Variants in PACSIN2 observed in about 807,000 individuals in gnomAD.
The protein encoded by PACSIN2 is protein kinase C and casein kinase substrate in neurons protein 2.
Under a neutral mutation model 63.8 loss-of-function variants are expected in PACSIN2, and 25 were observed. The ratio of observed to expected loss-of-function variants is 0.39; its 90% CI spans 0.29 to 0.55. The LOEUF (loss-of-function observed/expected upper bound fraction) is 0.55. Among genes scored for constraint, PACSIN2 ranks in the 20% least tolerant of loss-of-function variants. The probability of loss-of-function intolerance (pLI) is 0.62; values close to 1 mark genes in which losing one functional copy is unlikely to be tolerated. For missense variants in PACSIN2, 518 were observed against 646.9 expected, an observed-to-expected ratio of 0.80 and a Z score of 2.16; for synonymous variants, 255 against 256.2, an observed-to-expected ratio of 1.00 and a Z score of 0.05.
At chr22:42,973,303 G>A (rs981332356) in intron 1 of PACSIN2, among the ~76,000 whole-genome samples, 2 of 152,176 alleles carry the variant, frequency 1.3e-5, no homozygotes, top group African/African-American at 2.4e-5. Context: ...CACAGGTCTC[G>A]CCCACAAGGC....
At chr22:42,970,289 G>C (rs1264669699) in intron 1 of PACSIN2, among the ~76,000 whole-genome samples, 3 of 152,174 alleles carry the variant, frequency 2.0e-5, no homozygotes, top group Non-Finnish European at 4.4e-5. Flanking sequence ...GTAATGAAAA[G>C]GGCACTTCAC....
intron 5 of PACSIN2, among the ~76,000 whole-genome samples, chr22:42,887,101 G>A (rs992755664): frequency 9.2e-5 from 14 of 152,142 alleles, no homozygotes; most frequent in Non-Finnish European, 1.5e-4. Context: ...TTGAGCCCAG[G>A]TGCCTCCCAC....
At chr22:42,983,127 G>GAAATA (rs1922339667) in intron 1 of PACSIN2, among the ~76,000 whole-genome samples, 1 of 151,718 alleles carries the variant, frequency 6.6e-6, no homozygotes. Flanking sequence ...GACCAGCCTG[G>GAAATA]CCAACATGGT....
In PACSIN2 at chr22:42,930,432, C is replaced by T. The variant is rs115344284; in HGVS notation, c.-77-18275G>A. 8.5e-3 allele frequency among the ~76,000 whole-genome samples: 1,295 copies of T among 152,322 alleles called. 18 individuals are homozygous for T. Among genetic ancestry groups the T allele is most frequent in the African/African-American group, 0.03 (1,253 of 41,588 alleles). ...TCTGGACCCTCCTGTCCTCGTGTCT[C>T]ACGCAGAGCCTAGCACAGATGAGGC... On this transcript the variant is annotated intron_variant, in intron 1 of 10. Transcript: ENST00000263246.
At chr22:42,991,601 T>C (rs980330488) in intron 1 of PACSIN2, among the ~76,000 whole-genome samples, 21 of 152,188 alleles carry the variant, frequency 1.4e-4, no homozygotes, top group African/African-American at 4.3e-4. Flanking sequence ...TATCCAATGA[T>C]AGAGCTCCTG....
At chr22:43,013,463 G>A (rs373009879) in intron 1 of PACSIN2, among the ~76,000 whole-genome samples, 7 of 152,334 alleles carry the variant, frequency 4.6e-5, no homozygotes, top group Middle Eastern at 6.8e-3. Context: ...AGTTTTCCAG[G>A]TGAATCAAGA....
In PACSIN2 at chr22:42,949,129, T is replaced by C. The variant is rs113108730; in HGVS notation, c.-77-36972A>G. ...GCAACAAGGTGGGATCCTGTCTCTA[T>C]AAGGACAAAACATTTCTTAAATAAT... On this transcript the variant is annotated intron_variant, in intron 1 of 10. Transcript: ENST00000263246. Among the ~76,000 whole-genome samples, 188 of 152,278 alleles carry C rather than the reference T, an allele frequency of 1.2e-3. 1 individual carries two copies. Among genetic ancestry groups the C allele is most frequent in the African/African-American group, 3.9e-3 (163 of 41,548 alleles).
At chr22:42,912,622 C>CTG (rs1481648723) in intron 1 of PACSIN2, among the ~76,000 whole-genome samples, 3 of 152,254 alleles carry the variant, frequency 2.0e-5, no homozygotes, top group Non-Finnish European at 4.4e-5. Context: ...CTGACACTGT[C>CTG]TGTGTGTGGC....
At chr22:42,924,571 C>G (rs79313729) in intron 1 of PACSIN2, among the ~76,000 whole-genome samples, 63 of 152,218 alleles carry the variant, frequency 4.1e-4, no homozygotes, top group Non-Finnish European at 6.8e-4. Flanking sequence ...CTCCACCGAG[C>G]TACTTTGTCC....
At chr22:42,873,195 T>C (rs2267460) in intron 10 of PACSIN2, among the ~76,000 whole-genome samples, 28,858 of 152,168 alleles carry the variant, frequency 0.19, 4,448 homozygotes, top group East Asian at 0.56. Flanking sequence ...AGTTTGCTTT[T>C]GACAATTTAC....
intron 1 of PACSIN2, chr22:43,002,166 G>A (rs373962563): frequency 2.0e-5 from 3 of 152,204 alleles, no homozygotes; most frequent in East Asian, 1.9e-4. Flanking sequence ...ACCCCCATGA[G>A]AGCAGCATCT....
chr22:42,940,829 C>T (rs1328321680), intron 1 of PACSIN2, among the ~76,000 whole-genome samples: 2 of 152,178 alleles, frequency 1.3e-5, no homozygotes, highest in African/African-American at 4.8e-5. Flanking sequence ...GATTATTTAG[C>T]CAGGAGAGGC....
At chr22:42,910,358 C>T (rs1314429363) in intron 2 of PACSIN2, among the ~76,000 whole-genome samples, 2 of 152,218 alleles carry the variant, frequency 1.3e-5, no homozygotes, top group Non-Finnish European at 2.9e-5. Flanking sequence ...AGAACAAGGG[C>T]CTGCACTTCT....
intron 1 of PACSIN2, among the ~76,000 whole-genome samples, chr22:42,937,686 C>A (rs1415995113): frequency 6.6e-6 from 1 of 152,160 alleles, no homozygotes; most frequent in East Asian, 1.9e-4. Context: ...CCTGCACTTC[C>A]CCTAACTCGG....
chr22:42,980,941 A>G (rs1922062118), intron 1 of PACSIN2, among the ~76,000 whole-genome samples: 1 of 83,750 alleles, frequency 1.2e-5, no homozygotes, highest in Non-Finnish European at 2.4e-5. Context: ...CTGCTTGGCC[A>G]CCCATCGTCT....
intron 1 of PACSIN2, among the ~76,000 whole-genome samples, 192 bp downstream of exon 1, chr22:43,014,829 C>A (rs1924777607): frequency 6.6e-6 from 1 of 151,618 alleles, no homozygotes; most frequent in Non-Finnish European, 1.5e-5. Flanking sequence ...CAGGCGCCCC[C>A]CGGGGCCCCG....
intron 1 of PACSIN2, among the ~76,000 whole-genome samples, chr22:42,913,536 T>C (rs1485960767): frequency 6.7e-6 from 1 of 149,358 alleles, no homozygotes; most frequent in Non-Finnish European, 1.5e-5. Flanking sequence ...CAACACAGAA[T>C]TGCTGCAAGT....
At chr22:42,895,147 G>A (rs934131909) in intron 2 of PACSIN2, among the ~76,000 whole-genome samples, 2 of 152,222 alleles carry the variant, frequency 1.3e-5, no homozygotes, top group African/African-American at 4.8e-5. Flanking sequence ...TCGGCAGCTC[G>A]TCAAAACATG....
chr22:42,926,208 C>T (rs9607982), intron 1 of PACSIN2, among the ~76,000 whole-genome samples: 4,838 of 152,248 alleles, frequency 0.032, 105 homozygotes, highest in African/African-American at 0.051. Flanking sequence ...ACATTTGATT[C>T]AACAACGGGA....
Sources: gnomAD v4.1 joint callset for allele counts (sites outside exome capture counted in the v4.1 genomes callset) on GRCh38, gnomAD v4.1.1 for gene constraint, MANE v1.5 for transcripts, NCBI Gene and HGNC (gene_info 2026-07-23, HGNC 2026-07-21) for gene names.